The following KLHL1 variants were observed in gnomAD, a reference collection of about 807,000 sequenced individuals.
KLHL1 encodes the protein kelch like family member 1.
KLHL1 carries 47 observed loss-of-function variants against 77.7 expected under a neutral mutation model. The observed-to-expected ratio is 0.60, with a 90% CI of 0.48 to 0.77. The LOEUF is 0.77. Among genes scored for constraint, KLHL1 ranks in the 30% least tolerant of loss-of-function variants. The probability of loss-of-function intolerance (pLI) is 0.00; values close to 1 mark genes in which losing one functional copy is unlikely to be tolerated. For missense variants in KLHL1, 925 were observed against 910.8 expected, an observed-to-expected ratio of 1.02 and a Z score of -0.20; for synonymous variants, 360 against 325.2, an observed-to-expected ratio of 1.11 and a Z score of -1.15.
chr13:69,887,364 C>T (rs536929203), intron 4 of KLHL1, among the ~76,000 whole-genome samples: 2 of 152,116 alleles, frequency 1.3e-5, no homozygotes, highest in Non-Finnish European at 2.9e-5. Flanking sequence ...AAACCTTGAC[C>T]ACTGCTTTGG....
chr13:69,902,082 G>A (rs1037352812), intron 4 of KLHL1, among the ~76,000 whole-genome samples: 2 of 152,120 alleles, frequency 1.3e-5, no homozygotes, highest in South Asian at 2.1e-4. Flanking sequence ...TTACAGGCGT[G>A]AGCCACCACG....
chr13:70,059,159 T>TC (rs1053342483), intron 1 of KLHL1, among the ~76,000 whole-genome samples: 15 of 138,092 alleles, frequency 1.1e-4, no homozygotes, highest in African/African-American at 1.4e-4. Flanking sequence ...TATTTCTTCT[T>TC]TTTTTTTTTT....
chr13:69,714,610 T>C (rs1353837675), intron 9 of KLHL1, among the ~76,000 whole-genome samples: 2 of 152,036 alleles, frequency 1.3e-5, no homozygotes, highest in South Asian at 2.1e-4. Flanking sequence ...TATATATTTT[T>C]TGAGACAGGG....
intron 6 of KLHL1, among the ~76,000 whole-genome samples, chr13:69,815,739 A>G (rs1277549843): frequency 1.3e-5 from 2 of 152,182 alleles, no homozygotes; most frequent in African/African-American, 2.4e-5. Context: ...ATGAACTGGA[A>G]TATTAAAAAG....
chr13:69,736,633 C>T (rs1873773834), intron 8 of KLHL1, among the ~76,000 whole-genome samples: 1 of 151,628 alleles, frequency 6.6e-6, no homozygotes, highest in South Asian at 2.1e-4. Flanking sequence ...AAATATGGAA[C>T]CAGCCCAAAT....
chr13:69,731,081 A>G (rs113080092), intron 8 of KLHL1, among the ~76,000 whole-genome samples: 1,545 of 152,290 alleles, frequency 0.01, 24 homozygotes, highest in African/African-American at 0.034. Context: ...TAGAAAAAGT[A>G]GTATTAATAA....
chr13:69,890,157 T>C (rs1362084644), intron 4 of KLHL1, among the ~76,000 whole-genome samples: 1 of 152,044 alleles, frequency 6.6e-6, no homozygotes, highest in Non-Finnish European at 1.5e-5. Flanking sequence ...AAGAAAAATT[T>C]AGTGATTTGA....
chr13:69,780,705 T>TATATATATATATATATATAC (rs1876110483), intron 7 of KLHL1, among the ~76,000 whole-genome samples: 1 of 39,884 alleles, frequency 2.5e-5, no homozygotes, highest in Non-Finnish European at 5.1e-5. Flanking sequence ...TATATATGTA[T>TATATATATATATATATATAC]ATATATATAT....
chr13:69,770,311 G>T (rs748477594), intron 7 of KLHL1, among the ~76,000 whole-genome samples: 2 of 152,218 alleles, frequency 1.3e-5, no homozygotes, highest in African/African-American at 2.4e-5. Flanking sequence ...GCTGGCCCGA[G>T]TGGGCAGAGT....
At chr13:69,771,531 G>A (rs1357468619) in intron 7 of KLHL1, among the ~76,000 whole-genome samples, 1 of 152,158 alleles carries the variant, frequency 6.6e-6, no homozygotes, top group Non-Finnish European at 1.5e-5. Flanking sequence ...TCTCTTGTCT[G>A]TCATTTCATG....
At chr13:69,989,136 A>G (rs944547534) in intron 1 of KLHL1, among the ~76,000 whole-genome samples, 4 of 151,996 alleles carry the variant, frequency 2.6e-5, no homozygotes, top group Non-Finnish European at 4.4e-5. Context: ...TGATTTTTGT[A>G]TATAGTGTAA....
rs543441717 is a variant in KLHL1, at chr13:70,040,470, C to T, written c.498-64668G>A. ...GAATCCAATATTTTAAAAAATTCTT[C>T]TTATTCCATATAGAATTCTGGGATC... is the stretch of plus-strand genomic sequence containing the variant. On this transcript the variant is annotated intron_variant, in intron 1 of 10. Coordinates refer to ENST00000377844, the MANE Select transcript of KLHL1 (RefSeq NM_020866.3). Among the ~76,000 whole-genome samples the T allele has an allele frequency of 2.0e-5, 3 of 152,262 alleles. No individual in the cohort carries two copies. In the East Asian group the frequency reaches 5.8e-4, roughly 29 times the overall value.
At chr13:69,869,699 C>T (rs1880507016) in intron 5 of KLHL1, among the ~76,000 whole-genome samples, 1 of 152,040 alleles carries the variant, frequency 6.6e-6, no homozygotes, top group Non-Finnish European at 1.5e-5. Context: ...CTATATTTTT[C>T]TGATACTCTT....
At chr13:69,965,260 G>T (rs138730553) in intron 2 of KLHL1, among the ~76,000 whole-genome samples, 2 of 152,272 alleles carry the variant, frequency 1.3e-5, no homozygotes, top group African/African-American at 4.8e-5. Context: ...TTTTCCAACA[G>T]CATGGGCTCA....
At chr13:69,990,825 A>G (rs1024871956) in intron 1 of KLHL1, among the ~76,000 whole-genome samples, 3 of 151,868 alleles carry the variant, frequency 2.0e-5, no homozygotes, top group African/African-American at 2.4e-5. Context: ...CATCTCCAGA[A>G]CTCTCCACTC....
chr13:69,731,119 TG>T (rs1431731385), intron 8 of KLHL1, among the ~76,000 whole-genome samples: 1 of 152,150 alleles, frequency 6.6e-6, no homozygotes, highest in African/African-American at 2.4e-5. Context: ...TTACACAAAT[TG>T]GTGTTAATAA....
chr13:69,947,027 GTTGT>G (rs1566433188), intron 3 of KLHL1, among the ~76,000 whole-genome samples: 2 of 90,248 alleles, frequency 2.2e-5, no homozygotes, highest in Non-Finnish European at 4.1e-5. Flanking sequence ...GTGTGTGTGT[GTTGT>G]GTGTGTGTGT....
chr13:69,750,207 T>TATTTAAA (rs1180312904), intron 7 of KLHL1, among the ~76,000 whole-genome samples: 2 of 151,756 alleles, frequency 1.3e-5, no homozygotes, highest in African/African-American at 4.8e-5. Context: ...AGGTATAACT[T>TATTTAAA]ATTTAAAATC....
intron 4 of KLHL1, among the ~76,000 whole-genome samples, chr13:69,918,852 A>G (rs960001664): frequency 2.0e-5 from 3 of 152,094 alleles, no homozygotes; most frequent in African/African-American, 7.2e-5. Flanking sequence ...TCTCCTCTCC[A>G]TCATCTTTAT....
Sources: allele counts gnomAD v4.1 joint callset (sites outside exome capture counted in the v4.1 genomes callset), GRCh38; gene constraint gnomAD v4.1.1; transcripts MANE v1.5; gene names NCBI Gene and HGNC (gene_info 2026-07-23, HGNC 2026-07-21).